MDGA2: variants seen among roughly 807,000 people sequenced by gnomAD.
MDGA2 encodes MAM domain-containing glycosylphosphatidylinositol anchor protein 2.
MDGA2 carries 40 observed loss-of-function variants against 117.8 expected under a neutral mutation model. The ratio of observed to expected loss-of-function variants is 0.34; its 90% confidence interval spans 0.26 to 0.44. The LOEUF (loss-of-function observed/expected upper bound fraction) is 0.44, where lower values mean the gene tolerates loss of function less well. Ranked by LOEUF, MDGA2 falls within the 20% of genes least tolerant of loss-of-function variation. The pLI is 1.00. For synonymous variants in MDGA2, 452 were observed against 439.0 expected, an observed-to-expected ratio of 1.03 and a Z score of -0.37; for missense variants, 1,123 against 1,250.6, an observed-to-expected ratio of 0.90 and a Z score of 1.54.
intron 9 of MDGA2, among the ~76,000 whole-genome samples, chr14:46,945,119 G>C (rs1885127384): frequency 6.6e-6 from 1 of 152,022 alleles, no homozygotes; most frequent in Admixed American, 6.6e-5. Flanking sequence ...TAGTTTAGTA[G>C]ACAGTTCAAT....
chr14:47,066,568 C>T (rs1335334487), intron 6 of MDGA2, among the ~76,000 whole-genome samples: 1 of 152,200 alleles, frequency 6.6e-6, no homozygotes, highest in Admixed American at 6.5e-5. Flanking sequence ...AGCACATCCA[C>T]TGACTAGTTA....
chr14:47,619,302 T>C (rs1216440364), intron 1 of MDGA2, among the ~76,000 whole-genome samples: 2 of 152,132 alleles, frequency 1.3e-5, no homozygotes, highest in African/African-American at 4.8e-5. Context: ...ACCACATGAA[T>C]AAAAATTGTA....
At chr14:47,569,198 T>C (rs1594922565) in intron 1 of MDGA2, among the ~76,000 whole-genome samples, 1 of 152,190 alleles carries the variant, frequency 6.6e-6, no homozygotes, top group African/African-American at 2.4e-5. Context: ...AGAGATCTTA[T>C]ATAAAAACTA....
At chr14:47,412,307 G>T (rs753492450) in intron 1 of MDGA2, among the ~76,000 whole-genome samples, 2 of 152,142 alleles carry the variant, frequency 1.3e-5, no homozygotes, top group African/African-American at 2.4e-5. Context: ...AAGAGATAGG[G>T]TCTCGTTCAG....
Position 47,578,785 on chromosome 14 carries a change from T to C in MDGA2, c.280+95732A>G, listed in dbSNP as rs545331176. 2.5e-4 allele frequency among the ~76,000 whole-genome samples: 38 copies of C among 152,302 alleles called. No homozygotes were observed. The South Asian group carries it at 7.2e-3, about 29-fold the overall frequency. On this transcript the variant is annotated intron_variant, in intron 1 of 16. Coordinates refer to ENST00000399232, the MANE Select transcript of MDGA2 (RefSeq NM_001113498.3). The stretch of plus-strand genomic sequence containing the variant: ...TAAGTTTGCATGATCTTCATAACTA[T>C]CATTGTTAGAGGCTACATGATGTGC...
chr14:47,203,327 G>T (rs1284346672), intron 3 of MDGA2, among the ~76,000 whole-genome samples: 1 of 151,956 alleles, frequency 6.6e-6, no homozygotes, highest in African/African-American at 2.4e-5. Context: ...CATGACATGG[G>T]AGTTGATGAC....
intron 1 of MDGA2, among the ~76,000 whole-genome samples, chr14:47,311,485 A>C (rs747537556): frequency 2.0e-5 from 3 of 152,060 alleles, no homozygotes; most frequent in Non-Finnish European, 4.4e-5. Flanking sequence ...CAAGTTTCTT[A>C]GCCTGTCAAA....
intron 5 of MDGA2, 97 bp downstream of exon 5, chr14:47,131,617 C>T: frequency 1.0e-6 from 1 of 965,252 alleles, no homozygotes; most frequent in South Asian, 2.7e-5. Flanking sequence ...TTCCTACATA[C>T]ACCGTAGAAA....
rs144222525 is a variant in MDGA2, at chr14:46,883,168, T to C, written c.2239-947A>G. On this transcript the variant is annotated intron_variant, in intron 10 of 16. Transcript: ENST00000399232. ...GGATGGTACAAGAAAGAAAAACTTA[T>C]GTATACAAACCGAATTCATAAAGTT... Among the ~76,000 whole-genome samples the C allele has an allele frequency of 1.4e-3, 206 of 152,226 alleles. No homozygotes were observed. In the Middle Eastern group the frequency reaches 0.014, roughly 10 times the overall value.
intron 2 of MDGA2, among the ~76,000 whole-genome samples, chr14:47,265,023 T>C (rs1013612842): frequency 2.6e-5 from 4 of 152,054 alleles, no homozygotes; most frequent in Non-Finnish European, 1.5e-5. Flanking sequence ...AACAAGTAGC[T>C]CTCTAAACAA....
At chr14:46,877,014 A>G (rs1179768224) in intron 12 of MDGA2, among the ~76,000 whole-genome samples, 3 of 151,628 alleles carry the variant, frequency 2.0e-5, no homozygotes, top group Non-Finnish European at 3.0e-5. Flanking sequence ...CATAACCTAA[A>G]TTAGACCAAA....
At chr14:47,280,064 A>C (rs952765645) in intron 2 of MDGA2, among the ~76,000 whole-genome samples, 2 of 151,656 alleles carry the variant, frequency 1.3e-5, no homozygotes, top group Admixed American at 6.6e-5. Flanking sequence ...ATCCCATCTG[A>C]GCACTTCTGG....
At chr14:47,512,231 CT>C (rs1894656919) in intron 1 of MDGA2, among the ~76,000 whole-genome samples, 1 of 152,222 alleles carries the variant, frequency 6.6e-6, no homozygotes, top group African/African-American at 2.4e-5. Flanking sequence ...CTGTTTATAT[CT>C]GATTTTGATG....
intron 9 of MDGA2, among the ~76,000 whole-genome samples, chr14:46,927,725 C>A (rs1884385848): frequency 6.6e-6 from 1 of 152,132 alleles, no homozygotes; most frequent in Non-Finnish European, 1.5e-5. Context: ...AAAACTATGT[C>A]TTCCCATTTA....
intron 9 of MDGA2, among the ~76,000 whole-genome samples, chr14:46,923,620 A>G (rs1317734718): frequency 6.6e-6 from 1 of 152,114 alleles, no homozygotes; most frequent in Non-Finnish European, 1.5e-5. Context: ...GATTAAATAT[A>G]GGCATGCTTA....
intron 7 of MDGA2, among the ~76,000 whole-genome samples, chr14:47,060,970 G>A (rs1487995751): frequency 6.6e-6 from 1 of 151,758 alleles, no homozygotes; most frequent in Non-Finnish European, 1.5e-5. Context: ...GTATTTTGAT[G>A]AAATACTAGT....
chr14:47,269,988 C>T (rs1338124097), intron 2 of MDGA2, among the ~76,000 whole-genome samples: 1 of 152,112 alleles, frequency 6.6e-6, no homozygotes. Context: ...ACTATTACTG[C>T]CACAGTTGGA....
intron 8 of MDGA2, among the ~76,000 whole-genome samples, chr14:47,032,758 T>C (rs1311911010): frequency 6.6e-6 from 1 of 152,214 alleles, no homozygotes; most frequent in Non-Finnish European, 1.5e-5. Flanking sequence ...TCAGGAATAT[T>C]CTGGAGTTGT....
At chr14:47,395,863 A>G (rs1891996487) in intron 1 of MDGA2, among the ~76,000 whole-genome samples, 1 of 152,164 alleles carries the variant, frequency 6.6e-6, no homozygotes, top group Non-Finnish European at 1.5e-5. Flanking sequence ...ATGTTTAAAT[A>G]TGTGTTAGGT....
Sources: gnomAD v4.1 joint callset for allele counts (sites outside exome capture counted in the v4.1 genomes callset) on GRCh38, gnomAD v4.1.1 for gene constraint, MANE v1.5 for transcripts, NCBI Gene and HGNC (gene_info 2026-07-23, HGNC 2026-07-21) for gene names.